The following ELSPBP1 variants were observed in gnomAD, a reference collection of about 807,000 sequenced individuals.
The protein encoded by ELSPBP1 is epididymal sperm-binding protein 1.
ELSPBP1 carries 38 observed loss-of-function variants against 33.3 expected under a neutral mutation model. That is an observed-to-expected ratio of 1.14 (90% CI 0.88 to 1.50). The LOEUF (loss-of-function observed/expected upper bound fraction) is 1.50, where lower values mean the gene tolerates loss of function less well. ELSPBP1 is among the 40% of genes most tolerant of loss of function. The pLI, the probability that ELSPBP1 is intolerant of heterozygous loss-of-function variation, is 0.00. For synonymous variants in ELSPBP1, 85 were observed against 94.1 expected, an observed-to-expected ratio of 0.90 and a Z score of 0.56; for missense variants, 267 against 263.5, an observed-to-expected ratio of 1.01 and a Z score of -0.09.
chr19:48,019,418 A>G (rs1324799860), intron 4 of ELSPBP1, among the ~76,000 whole-genome samples: 2 of 152,140 alleles, frequency 1.3e-5, no homozygotes, highest in Non-Finnish European at 2.9e-5. Context: ...AATGAATAAT[A>G]GGGCTATTCG....
At chr19:48,002,869 G>A (rs752931091) in intron 1 of ELSPBP1, among the ~76,000 whole-genome samples, 2 of 152,160 alleles carry the variant, frequency 1.3e-5, no homozygotes, top group Non-Finnish European at 2.9e-5. Flanking sequence ...TGCCCCCTCT[G>A]ACATTTACAC....
In ELSPBP1 at chr19:48,008,789, T is replaced by C. The variant is rs775265113; in HGVS notation, c.70+52T>C. 18 of 1,508,562 alleles carry C rather than the reference T, an allele frequency of 1.2e-5. No individual in the cohort carries two copies. In the South Asian group the frequency reaches 2.1e-4, roughly 17 times the overall value. The allele number at this position is 1,508,562 out of a possible 1,614,324, so 93.4% of individuals were successfully genotyped here. ...GATTTAGAAGCTGGAGAAGAATGAATGGGGCAAAGCAAAGATTCCTGGAAC... is the reference window on the plus strand; with the variant it reads ...GATTTAGAAGCTGGAGAAGAATGAACGGGGCAAAGCAAAGATTCCTGGAAC... On this transcript the variant is annotated intron_variant, in intron 2 of 6. Coordinates refer to ENST00000339841, the MANE Select transcript of ELSPBP1 (RefSeq NM_022142.5).
intron 5 of ELSPBP1, 22 bp downstream of exon 5, chr19:48,019,899 G>GGTGGGT (rs1469829623): frequency 1.9e-6 from 3 of 1,601,820 alleles, no homozygotes; most frequent in Non-Finnish European, 2.6e-6. Context: ...ATGGGGGTTG[G>GGTGGGT]GTGGGTGTGG....
chr19:48,002,032 C>T lies in ELSPBP1; in HGVS notation c.-17-6619C>T, dbSNP rs991287941. Among the ~76,000 whole-genome samples the T allele has an allele frequency of 4.6e-5, 7 of 152,148 alleles. No individual in the cohort carries two copies. The East Asian group carries it at 1.4e-3, about 29-fold the overall frequency. On this transcript the variant is annotated intron_variant, in intron 1 of 6. Coordinates refer to ENST00000339841, the MANE Select transcript of ELSPBP1 (RefSeq NM_022142.5). ...ACTGTGCCATGCAACCTAGCATATTCGTGGACTCTAGGAATTAGGACGTGG... is the reference window on the plus strand; with the variant it reads ...ACTGTGCCATGCAACCTAGCATATTTGTGGACTCTAGGAATTAGGACGTGG...
In ELSPBP1 at chr19:48,017,396, T is replaced by C. The variant is rs576961038; in HGVS notation, c.355+1357T>C. On this transcript the variant is annotated intron_variant, in intron 4 of 6. Transcript: ENST00000339841. ...CAAAACTTAACCTTAAATCTCACTA[T>C]AGCTTTGTCCTAGTAGTTAACCTAA... Among the ~76,000 whole-genome samples, 126 of 152,382 alleles carry C rather than the reference T, an allele frequency of 8.3e-4. 1 individual carries two copies. The highest frequency in any genetic ancestry group is 2.9e-3 in the African/African-American group (121 of 41,592).
intron 6 of ELSPBP1, among the ~76,000 whole-genome samples, chr19:48,024,488 A>C (rs1449816217): frequency 1.3e-5 from 2 of 152,210 alleles, no homozygotes; most frequent in Non-Finnish European, 2.9e-5. Flanking sequence ...CTTACAATGC[A>C]TGTGGCTTAT....
At chr19:48,000,805 T>C (rs1966960297) in intron 1 of ELSPBP1, among the ~76,000 whole-genome samples, 1 of 152,188 alleles carries the variant, frequency 6.6e-6, no homozygotes, top group Non-Finnish European at 1.5e-5. Flanking sequence ...CTGATTCAAA[T>C]GGGACAGAGA....
intron 1 of ELSPBP1, among the ~76,000 whole-genome samples, chr19:48,006,054 G>A (rs997523731): frequency 5.1e-4 from 77 of 152,012 alleles, no homozygotes; most frequent in African/African-American, 1.8e-3. Context: ...TCGACCTCCT[G>A]GGCTCCAGTG....
chr19:48,023,689 C>G lies in ELSPBP1; in HGVS notation c.*8-1263C>G, dbSNP rs112160416. On this transcript the variant is annotated intron_variant, in intron 6 of 6. Transcript: ENST00000339841. ...AGACACCATGGTGTGCATCCATTGC[C>G]CCCATCACTGAGTAGCTGACCAAGG... Among the ~76,000 whole-genome samples, 1,396 of 152,002 alleles carry G rather than the reference C, an allele frequency of 9.2e-3. 27 individuals carry two copies. The highest frequency in any genetic ancestry group is 0.028 in the African/African-American group (1,170 of 41,436).
At chr19:48,014,655 C>G (rs1967112974) in intron 3 of ELSPBP1, among the ~76,000 whole-genome samples, 1 of 150,050 alleles carries the variant, frequency 6.7e-6, no homozygotes. Flanking sequence ...CACATGTACC[C>G]TAAAACTTAA....
intron 1 of ELSPBP1, among the ~76,000 whole-genome samples, chr19:47,998,212 G>A (rs1370690106): frequency 1.7e-4 from 26 of 152,130 alleles, no homozygotes; most frequent in Non-Finnish European, 7.4e-5. Context: ...TGGAGTTCAA[G>A]ATCAGCCTGG....
At chr19:47,999,387 C>CTTTTTTTTTTTTT (rs397937280) in intron 1 of ELSPBP1, among the ~76,000 whole-genome samples, 1 of 129,976 alleles carries the variant, frequency 7.7e-6, no homozygotes. Context: ...AGCCTCATTT[C>CTTTTTTTTTTTTT]TTTTTTTTTT....
At chr19:48,007,901 A>T (rs1568404811) in intron 1 of ELSPBP1, among the ~76,000 whole-genome samples, 1 of 152,220 alleles carries the variant, frequency 6.6e-6, no homozygotes, top group Admixed American at 6.5e-5. Flanking sequence ...AGTGACATAA[A>T]GTGTGTTGAA....
chr19:48,003,683 C>A (rs140830324), intron 1 of ELSPBP1, among the ~76,000 whole-genome samples: 2,009 of 149,972 alleles, frequency 0.013, 32 homozygotes, highest in East Asian at 0.086. Context: ...ACTACAGGCA[C>A]CTGCTACCAC....
At chr19:48,005,409 C>T (rs1244220639) in intron 1 of ELSPBP1, among the ~76,000 whole-genome samples, 1 of 151,950 alleles carries the variant, frequency 6.6e-6, no homozygotes, top group Non-Finnish European at 1.5e-5. Flanking sequence ...AAAGTAGAAC[C>T]AACTGACTGA....
rs751816896 is a variant in ELSPBP1, at chr19:48,022,259, A to G, written c.604A>G (p.Lys202Glu). ...TTTTAACTGCACTAACGAAGGATCA[A>G]AGGAGAACCTTGTGTGGTGTGCAAC... ...NYFNCTNEGS[K>E]ENLVWCATSY... Residue 202 changes from lysine (K) to glutamate (E), a missense_variant, in exon 6 of 7, where the codon AAG (lysine) becomes GAG (glutamate). Coordinates refer to ENST00000339841, the MANE Select transcript of ELSPBP1 (RefSeq NM_022142.5). 3.1e-6 allele frequency: 5 copies of G among 1,613,966 alleles called. No homozygotes were observed. The highest frequency in any genetic ancestry group is 1.6e-4 in the Middle Eastern group (1 of 6,062).
At position 48,019,782 on chromosome 19, in the gene ELSPBP1, T is replaced by C. The variant is rs1967179306; in HGVS notation, c.419T>C (p.Val140Ala). 6.2e-7 allele frequency: 1 copy of C among 1,613,938 alleles called. No homozygotes were observed. The highest frequency in any genetic ancestry group is 1.3e-5 in the African/African-American group (1 of 74,900). Residue 140 changes from valine to alanine, a missense_variant, in exon 5 of 7, where the codon GTC (valine) becomes GCC (alanine). Transcript: ENST00000339841. The part of the protein sequence containing the change: ...IFPSIYRNNV[V>A]SDCMEDESNK... ...CCCTCCATCTACAGAAATAATGTGGTCTCTGATTGCATGGAGGATGAAAGC... is the reference window on the plus strand; with the variant it reads ...CCCTCCATCTACAGAAATAATGTGGCCTCTGATTGCATGGAGGATGAAAGC...
chr19:48,019,139 G>A (rs188368072), intron 4 of ELSPBP1, among the ~76,000 whole-genome samples: 66 of 152,262 alleles, frequency 4.3e-4, no homozygotes, highest in African/African-American at 1.5e-3. Context: ...GGTTGACAGA[G>A]AAAGACTCCA....
chr19:48,023,231 A>G (rs1327978299), intron 6 of ELSPBP1, among the ~76,000 whole-genome samples: 1 of 132,010 alleles, frequency 7.6e-6, no homozygotes, highest in African/African-American at 2.9e-5. Flanking sequence ...GAGGGAGGGA[A>G]GGAAGAAAGA....
Sources: allele counts gnomAD v4.1 joint callset (sites outside exome capture counted in the v4.1 genomes callset), GRCh38; gene constraint gnomAD v4.1.1; transcripts MANE v1.5; gene names NCBI Gene and HGNC (gene_info 2026-07-23, HGNC 2026-07-21).